The following TSPEAR variants were observed in gnomAD, a reference collection of about 807,000 sequenced individuals.
TSPEAR encodes thrombospondin-type laminin G domain and EAR repeat-containing protein.
A neutral mutation model predicts 71.6 loss-of-function variants in TSPEAR; 69 were observed. That is an observed-to-expected ratio of 0.96 (90% CI 0.79 to 1.18). TSPEAR has a LOEUF of 1.18. TSPEAR is among the 50% of genes most tolerant of loss of function. The pLI is 0.00. For missense variants in TSPEAR, 971 were observed against 894.9 expected (o/e 1.09, Z -1.09); for synonymous variants, 402 against 387.2 (o/e 1.04, Z -0.45).
chr21:44,538,367 G>A (rs948587847), intron 2 of TSPEAR, among the ~76,000 whole-genome samples: 1 of 151,404 alleles, frequency 6.6e-6, no homozygotes, highest in Non-Finnish European at 1.5e-5. Flanking sequence ...TGCCCGCACC[G>A]GCATCATCTG....
chr21:44,704,090 C>T (rs1451175607), intron 1 of TSPEAR, among the ~76,000 whole-genome samples: 1 of 152,214 alleles, frequency 6.6e-6, no homozygotes, highest in African/African-American at 2.4e-5. Context: ...TTCCAGTGCA[C>T]TCTCCCTGCA....
At chr21:44,686,158 G>A (rs1233723017) in intron 1 of TSPEAR, among the ~76,000 whole-genome samples, 1 of 152,134 alleles carries the variant, frequency 6.6e-6, no homozygotes, top group Non-Finnish European at 1.5e-5. Flanking sequence ...TGGACCCCTG[G>A]CCTCACTGAC....
At chr21:44,580,041 G>A in intron 1 of TSPEAR, 2 of 1,594,452 alleles carry the variant, frequency 1.3e-6, no homozygotes, top group South Asian at 1.1e-5. Context: ...CAGCAGACAG[G>A]CTTGCAACAG....
Position 44,516,779 on chromosome 21 carries a change from C to T in TSPEAR, c.1566+5104G>A, listed in dbSNP as rs191100216. On this transcript the variant is annotated intron_variant, in intron 9 of 11. Coordinates refer to ENST00000323084, the MANE Select transcript of TSPEAR (RefSeq NM_144991.3). Reference sequence around the variant, plus strand: ...TCCTTTCATGCTTAAAATCACAGGACGGGTTCACCTGCTTCGTCCTTGGAC... The same window carrying T: ...TCCTTTCATGCTTAAAATCACAGGATGGGTTCACCTGCTTCGTCCTTGGAC... Among the ~76,000 whole-genome samples, 87 of 152,174 alleles carry T rather than the reference C, an allele frequency of 5.7e-4. 1 individual carries two copies. Among genetic ancestry groups the T allele is most frequent in the Admixed American group, 2.5e-3 (38 of 15,308 alleles).
rs1248889042 is a variant in TSPEAR at position 44,506,373 on chromosome 21, G to A, written c.1755-1492C>T. Among the ~76,000 whole-genome samples, 6 of 152,268 alleles carry A rather than the reference G, an allele frequency of 3.9e-5. No individual in the cohort carries two copies. The highest frequency in any genetic ancestry group is 3.9e-4 in the Admixed American group (6 of 15,288). On this transcript the variant is annotated intron_variant, in intron 10 of 11. Coordinates refer to ENST00000323084, the MANE Select transcript of TSPEAR (RefSeq NM_144991.3). This position sits in a 1 kb window ranked among gnomAD's most constrained non-coding sequence, Gnocchi z 4.2. ...AGGCGTCCTGCTGACATGCAGGCCA[G>A]GCGGGTGCCTCTGTATTCAGCAGCC...
intron 1 of TSPEAR, among the ~76,000 whole-genome samples, chr21:44,668,963 A>G (rs1555945370): frequency 6.6e-6 from 1 of 152,262 alleles, no homozygotes; most frequent in East Asian, 1.9e-4. Flanking sequence ...TAAAATGTAC[A>G]ATAGCTGATA....
intron 1 of TSPEAR, among the ~76,000 whole-genome samples, chr21:44,614,849 C>T (rs367997085): frequency 6.6e-5 from 10 of 152,316 alleles, no homozygotes; most frequent in African/African-American, 2.4e-4. Flanking sequence ...AAAGCATAAA[C>T]TCCCAGGAGG....
At chr21:44,582,335 A>G (rs1384701506) in intron 1 of TSPEAR, among the ~76,000 whole-genome samples, 1 of 152,238 alleles carries the variant, frequency 6.6e-6, no homozygotes, top group Non-Finnish European at 1.5e-5. Flanking sequence ...CCTCACGGCC[A>G]TACATGGCTC....
intron 1 of TSPEAR, among the ~76,000 whole-genome samples, chr21:44,643,669 G>A (rs1984143318): frequency 6.6e-6 from 1 of 152,098 alleles, no homozygotes; most frequent in African/African-American, 2.4e-5. Flanking sequence ...AAGCAGAAAA[G>A]CCACTGGAAC....
rs782182133 is a variant in TSPEAR, at chr21:44,666,461, G to A, written c.82+44972C>T. 6 of 1,587,188 alleles carry A rather than the reference G, an allele frequency of 3.8e-6. No individual in the cohort carries two copies. The Admixed American group carries it at 1.0e-4, about 27-fold the overall frequency. On this transcript the variant is annotated intron_variant, in intron 1 of 11. Transcript: ENST00000323084. ...AGATTCATGCTCAGCAGCAGGAAGA[G>A]ATACTGTAGGAGATGGGTCTGCAGA...
At chr21:44,660,885 T>C (rs1439708639) in intron 1 of TSPEAR, among the ~76,000 whole-genome samples, 1 of 152,012 alleles carries the variant, frequency 6.6e-6, no homozygotes, top group Non-Finnish European at 1.5e-5. Context: ...GAGAATTGCT[T>C]GAACCCGGGA....
chr21:44,594,947 G>A (rs977779033), intron 1 of TSPEAR, among the ~76,000 whole-genome samples: 4 of 150,372 alleles, frequency 2.7e-5, no homozygotes, highest in Admixed American at 1.3e-4. Context: ...TCAGCCTCCC[G>A]AGTAGCTGGG....
chr21:44,558,033 G>A, intron 2 of TSPEAR: 1 of 1,589,854 alleles, frequency 6.3e-7, no homozygotes, highest in East Asian at 2.2e-5. Context: ...CAACTCTGGA[G>A]AAACGGGACC....
intron 1 of TSPEAR, chr21:44,579,663 C>T (rs1978742359): frequency 6.8e-7 from 1 of 1,479,638 alleles, no homozygotes; most frequent in Non-Finnish European, 9.1e-7. Context: ...CACATGGGGG[C>T]CCCGTCCCAA....
intron 9 of TSPEAR, chr21:44,516,372 T>G (rs587740987): frequency 1.3e-5 from 2 of 152,376 alleles, no homozygotes; most frequent in East Asian, 3.9e-4. Flanking sequence ...CTGCTTAGGG[T>G]CTGTGGCAAC....
chr21:44,658,360 T>C, intron 1 of TSPEAR: 2 of 1,259,824 alleles, frequency 1.6e-6, no homozygotes, highest in Admixed American at 2.1e-5. Flanking sequence ...ATAGGGCAGA[T>C]GAAAAGCATG....
At chr21:44,631,583 G>C (rs1482834283) in intron 1 of TSPEAR, among the ~76,000 whole-genome samples, 1 of 152,012 alleles carries the variant, frequency 6.6e-6, no homozygotes, top group Non-Finnish European at 1.5e-5. Flanking sequence ...ATAAATAGCT[G>C]GGCGTGGTGG....
intron 1 of TSPEAR, among the ~76,000 whole-genome samples, chr21:44,674,455 G>A (rs1986207572): frequency 6.6e-6 from 1 of 152,176 alleles, no homozygotes; most frequent in South Asian, 2.1e-4. Context: ...GGTGACTCAT[G>A]TCTGTAATCC....
At chr21:44,590,702 C>T (rs1329051430) in intron 1 of TSPEAR, among the ~76,000 whole-genome samples, 3 of 152,230 alleles carry the variant, frequency 2.0e-5, no homozygotes, top group Middle Eastern at 3.4e-3. Flanking sequence ...GGAGCTAGGC[C>T]CCGGGTGGGC....
Sources: allele counts gnomAD v4.1 joint callset (sites outside exome capture counted in the v4.1 genomes callset), GRCh38; gene constraint gnomAD v4.1.1; non-coding constraint Gnocchi (gnomAD v3.1); transcripts MANE v1.5; gene names NCBI Gene and HGNC (gene_info 2026-07-23, HGNC 2026-07-21).